The following EARS2 variants were observed in gnomAD, a reference collection of about 807,000 sequenced individuals.
EARS2 encodes the protein nondiscriminating glutamyl-tRNA synthetase EARS2, mitochondrial.
In EARS2, 50 loss-of-function variants were observed where a neutral mutation model predicts 54.1. The ratio of observed to expected loss-of-function variants is 0.92; its 90% confidence interval spans 0.74 to 1.17. The LOEUF is 1.17. EARS2 is among the 50% of genes most tolerant of loss of function. EARS2 has a pLI of 0.00. For missense variants in EARS2, 673 were observed against 675.0 expected (o/e 1.00, Z 0.03); for synonymous variants, 298 against 281.0 (o/e 1.06, Z -0.61).
chr16:23,557,250 C>A lies in EARS2; in HGVS notation c.94G>T (p.Asp32Tyr). Residue 32 changes from aspartate (D) to tyrosine (Y), a missense_variant, in exon 1 of 9, where the codon GAT becomes TAT. Asp to Tyr is a radical substitution (Grantham distance 160). This residue lies in a region of EARS2 where 316 missense variants were observed against 275.2 expected (regional missense o/e 1.15). Coordinates refer to ENST00000449606, the MANE Select transcript of EARS2 (RefSeq NM_001083614.2). ...VGRREANLGT[D>Y]AGVAVRVRFA... ...CGCACTCGCACCGCAACCCCGGCAT[C>A]AGTGCCCAGGTTGGCCTCGCGCCGT... 6.6e-7 allele frequency: 1 copy of A among 1,522,164 alleles called. No homozygotes were observed. The highest frequency in any genetic ancestry group is 8.7e-7 in the Non-Finnish European group (1 of 1,144,880). 94.3% of individuals were successfully genotyped at this position (1,522,164 alleles called of 1,614,324 possible).
chr16:23,540,751 G>A (rs967120452), intron 3 of EARS2, among the ~76,000 whole-genome samples: 12 of 151,772 alleles, frequency 7.9e-5, no homozygotes, highest in African/African-American at 2.7e-4. Context: ...GGGAGGCCGA[G>A]GCAGGTGGAT....
rs59370725 is a variant in EARS2 at position 23,549,653 on chromosome 16, A to C, written c.295+2496T>G. On this transcript the variant is annotated intron_variant, in intron 2 of 8. Coordinates refer to ENST00000449606, the MANE Select transcript of EARS2 (RefSeq NM_001083614.2). ...TAATTTTTTGTAGAGATGAGGTCTC[A>C]CTATGTGGCCCAGGTTGGTCTTGGA... Among the ~76,000 whole-genome samples, 250 of 152,206 alleles carry C rather than the reference A, an allele frequency of 1.6e-3. 1 individual carries two copies. The highest frequency in any genetic ancestry group is 5.6e-3 in the African/African-American group (234 of 41,532).
chr16:23,521,217 A>G lies in EARS2; in HGVS notation c.*3154T>C, dbSNP rs1328382214. On this transcript the variant is annotated 3_prime_UTR_variant, in exon 9 of 9. Transcript: ENST00000449606. ...TTTATAATGTTGTGCAATTATCACCACCATTGACCCCTGTAACTACATCTT... is the reference window on the plus strand; with the variant it reads ...TTTATAATGTTGTGCAATTATCACCGCCATTGACCCCTGTAACTACATCTT... 2.0e-5 allele frequency among the ~76,000 whole-genome samples: 3 copies of G among 152,180 alleles called. No individual in the cohort carries two copies. Among genetic ancestry groups the G allele is most frequent in the African/African-American group, 7.2e-5 (3 of 41,448 alleles).
chr16:23,538,096 TA>T (rs59897118), intron 3 of EARS2, among the ~76,000 whole-genome samples: 111,557 of 151,620 alleles, frequency 0.74, 41,476 homozygotes, highest in Non-Finnish European at 0.8. Context: ...ACAGATATTC[TA>T]ATCGATACAT....
chr16:23,557,046 G>A, intron 1 of EARS2, 159 bp downstream of exon 1: 2 of 1,084,074 alleles, frequency 1.8e-6, no homozygotes, highest in Non-Finnish European at 1.3e-6. Context: ...TTCCGCTCCT[G>A]CACCTCAGTT....
chr16:23,541,574 T>C (rs1026859163), intron 3 of EARS2, among the ~76,000 whole-genome samples: 5 of 152,208 alleles, frequency 3.3e-5, no homozygotes, highest in African/African-American at 1.2e-4. Flanking sequence ...TATAGGTATA[T>C]GTACTGAATG....
Position 23,529,495 on chromosome 16 carries a change from T to C in EARS2, c.1352+7A>G, listed in dbSNP as rs763412528. 4 of 1,612,826 alleles carry C rather than the reference T, an allele frequency of 2.5e-6. No individual in the cohort carries two copies. The East Asian group carries it at 6.7e-5, about 27-fold the overall frequency. ...TGGAACCCTGAGCTCAGCCTGCGGG[T>C]ACTCACCCCAGCACACGCTTGGCAA... On this transcript the variant is annotated splice_region_variant and intron_variant, in intron 7 of 8. Transcript: ENST00000449606.
chr16:23,546,150 T>C (rs547133990), intron 2 of EARS2, among the ~76,000 whole-genome samples: 1 of 152,312 alleles, frequency 6.6e-6, no homozygotes, highest in South Asian at 2.1e-4. Flanking sequence ...ATAGATTAAA[T>C]ATGATCTACT....
intron 4 of EARS2, among the ~76,000 whole-genome samples, chr16:23,532,969 C>G (rs1965352051): frequency 6.6e-6 from 1 of 152,114 alleles, no homozygotes. Context: ...CAGGCACATA[C>G]TACCGCACCT....
At chr16:23,534,443 GA>G (rs1965379021) in intron 4 of EARS2, among the ~76,000 whole-genome samples, 1 of 151,942 alleles carries the variant, frequency 6.6e-6, no homozygotes, top group Admixed American at 6.6e-5. Context: ...AATGAAGAAG[GA>G]AAAAAAGAAA....
chr16:23,525,444 C>T, intron 7 of EARS2, 65 bp from the exon 8 acceptor site: 2 of 1,528,792 alleles, frequency 1.3e-6, no homozygotes, highest in Non-Finnish European at 1.8e-6. Flanking sequence ...GGAGGAAGGG[C>T]TTCAGAAGGT....
At chr16:23,542,476 C>T (rs770651343) in intron 3 of EARS2, among the ~76,000 whole-genome samples, 1 of 150,974 alleles carries the variant, frequency 6.6e-6, no homozygotes, top group East Asian at 2.0e-4. Flanking sequence ...CCACCACGCC[C>T]AGCTAATTTT....
At chr16:23,524,488 C>T in intron 8 of EARS2, 34 bp from the exon 9 acceptor site, 13 of 1,571,968 alleles carry the variant, frequency 8.3e-6, no homozygotes, top group Non-Finnish European at 1.1e-5. Flanking sequence ...TGCCTTACTA[C>T]CTTAAACAGC....
intron 5 of EARS2, among the ~76,000 whole-genome samples, chr16:23,530,285 C>G (rs1965302740): frequency 6.6e-6 from 1 of 152,204 alleles, no homozygotes; most frequent in Non-Finnish European, 1.5e-5. Flanking sequence ...ATCACCATGC[C>G]CAGCTAATTT....
In EARS2 at chr16:23,538,820, G is replaced by A. The variant is rs150137545; in HGVS notation, c.486-3460C>T. ...GGCTGTGGTGAGTCATGATTGCATC[G>A]CTCCAGCCTGGGTGACACAGCAAGA... On this transcript the variant is annotated intron_variant, in intron 3 of 8. Coordinates refer to ENST00000449606, the MANE Select transcript of EARS2 (RefSeq NM_001083614.2). 1.6e-3 allele frequency among the ~76,000 whole-genome samples: 239 copies of A among 152,066 alleles called. 2 individuals are homozygous for A. Among genetic ancestry groups the A allele is most frequent in the African/African-American group, 5.2e-3 (217 of 41,484 alleles).
At chr16:23,552,846 G>A (rs1049481328) in intron 1 of EARS2, among the ~76,000 whole-genome samples, 6 of 152,184 alleles carry the variant, frequency 3.9e-5, no homozygotes, top group South Asian at 2.1e-4. Flanking sequence ...GGCTGATCTC[G>A]AACTCCTGAC....
chr16:23,535,917 G>A (rs1263226634), intron 3 of EARS2, among the ~76,000 whole-genome samples: 2 of 152,200 alleles, frequency 1.3e-5, no homozygotes, highest in Admixed American at 1.3e-4. Context: ...ACTGCAGGAG[G>A]GAAGGCAATG....
chr16:23,552,020 A>G lies in EARS2; in HGVS notation c.295+129T>C, dbSNP rs116203388. On this transcript the variant is annotated intron_variant, in intron 2 of 8. Coordinates refer to ENST00000449606, the MANE Select transcript of EARS2 (RefSeq NM_001083614.2). ...TGTCATCTGCCACCCCGGGCAGGGC[A>G]GTACAAATGTAGCCACTTCTCCAGG... is the stretch of plus-strand genomic sequence containing the variant. The G allele has an allele frequency of 1.0e-3, 1,185 of 1,151,028 alleles. 9 individuals carry two copies. In the African/African-American group the frequency reaches 0.015, roughly 14 times the overall value. The allele number at this position is 1,151,028 out of a possible 1,614,324, so 71.3% of individuals were successfully genotyped here.
At chr16:23,553,098 A>G (rs1173696283) in intron 1 of EARS2, 2 of 337,936 alleles carry the variant, frequency 5.9e-6, no homozygotes, top group Admixed American at 6.6e-5. Flanking sequence ...TCTGCACTCC[A>G]GCCTGGGCAG....
Sources: gnomAD v4.1 joint callset for allele counts (sites outside exome capture counted in the v4.1 genomes callset) on GRCh38, gnomAD v4.1.1 for gene constraint, gnomAD v4.1.1 regional missense constraint, MANE v1.5 for transcripts, NCBI Gene and HGNC (gene_info 2026-07-23, HGNC 2026-07-21) for gene names.